ROBO1: variants seen among roughly 807,000 people sequenced by gnomAD.
ROBO1 encodes the protein roundabout homolog 1.
Under a neutral mutation model 195.9 loss-of-function variants are expected in ROBO1, and 149 were observed. The observed-to-expected ratio is 0.76, with a 90% CI of 0.67 to 0.87. The LOEUF is 0.87. Ranked by LOEUF, ROBO1 falls within the 40% of genes least tolerant of loss-of-function variation. The pLI is 0.00. For synonymous variants in ROBO1, 816 were observed against 733.2 expected (o/e 1.11, Z -1.82); for missense variants, 1,933 against 2,068.3 (o/e 0.93, Z 1.27).
chr3:78,705,931 CTCT>C (rs1465592488), intron 8 of ROBO1, among the ~76,000 whole-genome samples: 1 of 152,090 alleles, frequency 6.6e-6, no homozygotes, highest in African/African-American at 2.4e-5. Flanking sequence ...TATAATAAAT[CTCT>C]TCTTATTATC....
chr3:78,608,408 T>C (rs569263783), intron 28 of ROBO1, among the ~76,000 whole-genome samples: 1 of 152,358 alleles, frequency 6.6e-6, no homozygotes, highest in Non-Finnish European at 1.5e-5. Context: ...ACCCAGCCTA[T>C]AATTCAATTT....
intron 2 of ROBO1, among the ~76,000 whole-genome samples, chr3:79,421,566 C>T (rs996480916): frequency 6.6e-6 from 1 of 152,028 alleles, no homozygotes; most frequent in African/African-American, 2.4e-5. Context: ...GACTTTCCAA[C>T]CCAAATCATA....
intron 2 of ROBO1, among the ~76,000 whole-genome samples, chr3:79,512,099 T>C (rs1940735768): frequency 6.6e-6 from 1 of 152,100 alleles, no homozygotes; most frequent in Admixed American, 6.6e-5. Flanking sequence ...GAAAGAAAAC[T>C]GATAGTAATG....
intron 2 of ROBO1, among the ~76,000 whole-genome samples, chr3:79,336,980 T>C (rs536816524): frequency 1.3e-5 from 2 of 152,356 alleles, no homozygotes; most frequent in East Asian, 3.9e-4. Flanking sequence ...CCCCATTAGA[T>C]CTTGGACTCT....
intron 2 of ROBO1, among the ~76,000 whole-genome samples, chr3:79,451,316 A>G (rs2107197621): frequency 6.6e-6 from 1 of 152,216 alleles, no homozygotes; most frequent in Non-Finnish European, 1.5e-5. Context: ...AATAATGGAT[A>G]TATAAAGAGA....
At chr3:79,161,611 T>C (rs1436089005) in intron 2 of ROBO1, among the ~76,000 whole-genome samples, 2 of 152,126 alleles carry the variant, frequency 1.3e-5, no homozygotes, top group East Asian at 3.9e-4. Flanking sequence ...ATAGAAAAAG[T>C]TGATTATTGT....
intron 3 of ROBO1, among the ~76,000 whole-genome samples, chr3:79,097,584 A>C (rs1455827): frequency 6.6e-6 from 1 of 151,726 alleles, no homozygotes; most frequent in East Asian, 1.9e-4. Context: ...GCTTTATGTC[A>C]AGTCAGTTCA....
At chr3:79,706,161 G>A (rs1439109484) in intron 1 of ROBO1, among the ~76,000 whole-genome samples, 1 of 151,868 alleles carries the variant, frequency 6.6e-6, no homozygotes, top group African/African-American at 2.4e-5. Context: ...TTGTTTTGTT[G>A]CATTAGCTAG....
chr3:79,699,299 C>T (rs986223925), intron 1 of ROBO1, among the ~76,000 whole-genome samples: 16 of 151,186 alleles, frequency 1.1e-4, no homozygotes, highest in African/African-American at 3.6e-4. Context: ...TGATATGTTA[C>T]TAAACAACAC....
intron 2 of ROBO1, among the ~76,000 whole-genome samples, chr3:79,580,467 G>A (rs912781924): frequency 4.6e-5 from 7 of 151,962 alleles, no homozygotes; most frequent in African/African-American, 1.7e-4. Context: ...GGGCAACAGA[G>A]CGAGACTCTG....
intron 1 of ROBO1, among the ~76,000 whole-genome samples, chr3:79,743,759 TG>T (rs1275667579): frequency 6.6e-6 from 1 of 152,220 alleles, no homozygotes; most frequent in Non-Finnish European, 1.5e-5. Flanking sequence ...TAAACTTTTT[TG>T]TTTAAAAGTA....
intron 2 of ROBO1, among the ~76,000 whole-genome samples, chr3:79,226,954 A>C (rs1055496360): frequency 6.6e-6 from 1 of 151,780 alleles, no homozygotes; most frequent in South Asian, 2.1e-4. Flanking sequence ...AATCTCATCT[A>C]CTCTGCTTTG....
intron 2 of ROBO1, among the ~76,000 whole-genome samples, chr3:79,441,837 T>C (rs1396041301): frequency 2.6e-5 from 4 of 152,140 alleles, no homozygotes; most frequent in Non-Finnish European, 5.9e-5. Context: ...GAATCTGTGC[T>C]CCAGAGATTA....
At chr3:79,457,110 T>C (rs2107233867) in intron 2 of ROBO1, among the ~76,000 whole-genome samples, 1 of 152,314 alleles carries the variant, frequency 6.6e-6, no homozygotes, top group South Asian at 2.1e-4. Context: ...AATTTTACTT[T>C]GGAAGAATCA....
intron 26 of ROBO1, among the ~76,000 whole-genome samples, chr3:78,618,642 TC>T (rs1704269611): frequency 1.3e-5 from 2 of 152,336 alleles, no homozygotes; most frequent in South Asian, 4.1e-4. Flanking sequence ...GAGTAATTCT[TC>T]TCTGATTTAT....
At position 78,766,808 on chromosome 3, in the gene ROBO1, C is replaced by T. The variant is rs578175372; in HGVS notation, c.500-19908G>A. 8.5e-4 allele frequency among the ~76,000 whole-genome samples: 130 copies of T among 152,226 alleles called. 1 individual carries two copies. The highest frequency in any genetic ancestry group is 3.4e-3 in the Middle Eastern group (1 of 294). ...GTATGTCCCTTGTATGCCAATCTTG[C>T]TGAGAGTTTTAATCATAAAGGAAAG... On this transcript the variant is annotated intron_variant, in intron 4 of 30. Coordinates refer to ENST00000464233, the MANE Select transcript of ROBO1 (RefSeq NM_002941.4).
chr3:79,627,994 G>T (rs1037685347), intron 1 of ROBO1, among the ~76,000 whole-genome samples: 2 of 152,118 alleles, frequency 1.3e-5, no homozygotes, highest in Non-Finnish European at 2.9e-5. Context: ...ATACATGCTG[G>T]TGAGGCTGTG....
At position 79,405,048 on chromosome 3, in the gene ROBO1, A is replaced by T. The variant is rs180943747; in HGVS notation, c.88+184776T>A. Among the ~76,000 whole-genome samples, 440 of 152,252 alleles carry T rather than the reference A, an allele frequency of 2.9e-3. 2 individuals are homozygous for T. The highest frequency in any genetic ancestry group is 9.1e-3 in the African/African-American group (379 of 41,550). ...ACTGCCCCATTGAAATTATGTTTTT[A>T]AAAAATTTTTCAAGTAGATAATTTA... On this transcript the variant is annotated intron_variant, in intron 2 of 30. Transcript: ENST00000464233.
chr3:78,740,440 ATTTTTCTT>A lies in ROBO1; in HGVS notation c.657+6295_657+6302del, dbSNP rs202099423. Among the ~76,000 whole-genome samples, 526 of 99,710 alleles carry A rather than the reference ATTTTTCTT, an allele frequency of 5.3e-3. 2 individuals are homozygous for A. Among genetic ancestry groups the A allele is most frequent in the East Asian group, 0.034 (127 of 3,708 alleles). 65.4% of individuals were successfully genotyped at this position (99,710 alleles called of 152,430 possible). A position where few individuals can be genotyped will look rare whatever the true frequency, so the allele number is the denominator to read the frequency against. ...CAGATTAAAAAGCAACTTATTTCTTATTTTTCTTTTTTTCTTTCTTTCTTTCTTTCTTT... is the reference window on the plus strand; with the variant it reads ...CAGATTAAAAAGCAACTTATTTCTTATTTTTCTTTCTTTCTTTCTTTCTTT... On this transcript the variant is annotated intron_variant, in intron 5 of 30. Transcript: ENST00000464233.
Sources: gnomAD v4.1 joint callset for allele counts (sites outside exome capture counted in the v4.1 genomes callset) on GRCh38, gnomAD v4.1.1 for gene constraint, MANE v1.5 for transcripts, NCBI Gene and HGNC (gene_info 2026-07-23, HGNC 2026-07-21) for gene names.